CCDC170: variants seen among roughly 807,000 people sequenced by gnomAD.
The protein encoded by CCDC170 is coiled-coil domain-containing protein 170.
In CCDC170, 69 loss-of-function variants were observed where a neutral mutation model predicts 72.6. The ratio of observed to expected loss-of-function variants is 0.95; its 90% confidence interval spans 0.78 to 1.16. The LOEUF is 1.16. Among genes scored for constraint, CCDC170 ranks in the 50% most tolerant of loss-of-function variants. The pLI is 0.00. For missense variants in CCDC170, 852 were observed against 832.5 expected (o/e 1.02, Z -0.29); for synonymous variants, 300 against 303.9 (o/e 0.99, Z 0.13).
At chr6:151,557,777 T>C (rs1416076499) in intron 5 of CCDC170, among the ~76,000 whole-genome samples, 8 of 152,194 alleles carry the variant, frequency 5.3e-5, no homozygotes, top group African/African-American at 1.9e-4. Context: ...CTCATTGTGG[T>C]TTTGATCTGC....
rs985318494 is a variant in CCDC170 at position 151,494,217 on chromosome 6, G to T, written c.57+32G>T. On this transcript the variant is annotated intron_variant, in intron 1 of 10. Coordinates refer to ENST00000239374, the MANE Select transcript of CCDC170 (RefSeq NM_025059.4). ...TCCCAGCCGCCGGCCGCGCGCGGGG[G>T]TGGCCCTGGGGATAGACGACCCAGG... 14 of 1,490,840 alleles carry T rather than the reference G, an allele frequency of 9.4e-6. 1 individual carries two copies. The Admixed American group carries it at 2.3e-4, about 24-fold the overall frequency. The allele number at this position is 1,490,840 out of a possible 1,614,324, so 92.4% of individuals were successfully genotyped here.
At chr6:151,501,846 AT>A (rs1229400300) in intron 1 of CCDC170, among the ~76,000 whole-genome samples, 1 of 152,080 alleles carries the variant, frequency 6.6e-6, no homozygotes, top group Non-Finnish European at 1.5e-5. Context: ...GGACAACTTG[AT>A]TTTTTTTAAT....
intron 5 of CCDC170, among the ~76,000 whole-genome samples, chr6:151,571,525 C>T (rs1378360459): frequency 6.6e-6 from 1 of 152,088 alleles, no homozygotes; most frequent in East Asian, 1.9e-4. Context: ...GTTGGGAGTT[C>T]AAGACCAGCC....
At chr6:151,529,178 A>ATT (rs985148176) in intron 1 of CCDC170, among the ~76,000 whole-genome samples, 3 of 152,308 alleles carry the variant, frequency 2.0e-5, no homozygotes, top group African/African-American at 7.2e-5. Context: ...AGTAACAAAC[A>ATT]ATGAATTTAT....
intron 5 of CCDC170, among the ~76,000 whole-genome samples, chr6:151,559,960 A>G (rs77624767): frequency 0.052 from 7,857 of 151,238 alleles, 302 homozygotes; most frequent in East Asian, 0.21. Flanking sequence ...TTCTGTTCTG[A>G]TCTTAGTTAT....
chr6:151,526,071 CCTTCCTTCCTTCCTTCCTTCCTTT>C (rs745373172), intron 1 of CCDC170, among the ~76,000 whole-genome samples: 1,484 of 147,120 alleles, frequency 0.01, 24 homozygotes, highest in African/African-American at 0.036. Context: ...TGGTACCAGT[CCTTCCTTCCTTCCTTCCTTCCTTT>C]CTTCCTTCCT....
chr6:151,537,517 G>A (rs941920015), intron 2 of CCDC170, among the ~76,000 whole-genome samples: 4 of 152,020 alleles, frequency 2.6e-5, no homozygotes, highest in Non-Finnish European at 5.9e-5. Flanking sequence ...AATCCTATAA[G>A]GGTTTTTCTT....
chr6:151,514,659 C>T (rs1284158410), intron 1 of CCDC170, among the ~76,000 whole-genome samples: 1 of 152,132 alleles, frequency 6.6e-6, no homozygotes, highest in African/African-American at 2.4e-5. Flanking sequence ...AGAGAAGAGA[C>T]TCACATACCT....
intron 2 of CCDC170, 26 bp downstream of exon 2, chr6:151,536,472 A>G (rs1373934706): frequency 6.2e-7 from 1 of 1,611,920 alleles, no homozygotes; most frequent in Admixed American, 1.7e-5. Flanking sequence ...TCCAGCACTC[A>G]GAAATGGGCC....
intron 6 of CCDC170, among the ~76,000 whole-genome samples, chr6:151,576,241 A>G (rs972901930): frequency 7.9e-5 from 12 of 152,160 alleles, no homozygotes; most frequent in African/African-American, 2.9e-4. Flanking sequence ...ATATAGGCCA[A>G]TGTAAGTGTT....
chr6:151,515,196 A>G (rs1225041059), intron 1 of CCDC170, among the ~76,000 whole-genome samples: 2 of 152,250 alleles, frequency 1.3e-5, no homozygotes, highest in African/African-American at 4.8e-5. Context: ...GTCTACTTGG[A>G]CTACATTGTT....
rs1191038167 is a variant in CCDC170 at position 151,575,455 on chromosome 6, A to C, written c.1092+1964A>C. Among the ~76,000 whole-genome samples the C allele has an allele frequency of 2.7e-5, 4 of 150,890 alleles. No individual in the cohort carries two copies. In the South Asian group the frequency reaches 8.4e-4, roughly 32 times the overall value. Reference sequence around the variant, plus strand: ...CCAAAAAAAAAAAAAAAATTCTCTGAAATTCACGCATACTCTAGGAGCAAC... The same window carrying C: ...CCAAAAAAAAAAAAAAAATTCTCTGCAATTCACGCATACTCTAGGAGCAAC... On this transcript the variant is annotated intron_variant, in intron 6 of 10. Transcript: ENST00000239374.
At chr6:151,505,679 G>A (rs539058924) in intron 1 of CCDC170, among the ~76,000 whole-genome samples, 2 of 151,436 alleles carry the variant, frequency 1.3e-5, no homozygotes, top group Non-Finnish European at 2.9e-5. Context: ...GCGAGACTCC[G>A]TCTCAAAAAA....
In CCDC170 at chr6:151,527,663, G is replaced by A. The variant is rs567498504; in HGVS notation, c.58-8655G>A. Among the ~76,000 whole-genome samples the A allele has an allele frequency of 5.4e-4, 82 of 152,200 alleles. 1 individual carries two copies. The highest frequency in any genetic ancestry group is 4.2e-4 in the South Asian group (2 of 4,810). ...ACTGGGCACCACTGGAAGCTTGGTG[G>A]GGGCGTGGGGAGAAAGAGAGGGAGA... On this transcript the variant is annotated intron_variant, in intron 1 of 10. Coordinates refer to ENST00000239374, the MANE Select transcript of CCDC170 (RefSeq NM_025059.4).
In CCDC170 at chr6:151,494,192, TC is replaced by T; in HGVS notation, c.57+10del. On this transcript the variant is annotated splice_region_variant and intron_variant, in intron 1 of 10. Transcript: ENST00000239374. Reference sequence around the variant, plus strand: ...CGCTTCGCCAGCGCCCGAGGTACGGTCCCAGCCGCCGGCCGCGCGCGGGGGT... The same window carrying T: ...CGCTTCGCCAGCGCCCGAGGTACGGTCCAGCCGCCGGCCGCGCGCGGGGGT... 6.6e-7 allele frequency: 1 copy of T among 1,505,780 alleles called. No homozygotes were observed. Among genetic ancestry groups the T allele is most frequent in the Non-Finnish European group, 8.8e-7 (1 of 1,130,114 alleles). 93.3% of individuals were successfully genotyped at this position (1,505,780 alleles called of 1,614,324 possible).
chr6:151,529,645 G>A (rs370312238), intron 1 of CCDC170, among the ~76,000 whole-genome samples: 1 of 152,198 alleles, frequency 6.6e-6, no homozygotes, highest in South Asian at 2.1e-4. Flanking sequence ...GACAGAGCTA[G>A]GCTCTGTCTC....
intron 5 of CCDC170, among the ~76,000 whole-genome samples, chr6:151,556,859 A>C (rs1482709564): frequency 1.3e-5 from 2 of 152,124 alleles, no homozygotes; most frequent in Non-Finnish European, 2.9e-5. Context: ...GTATCCATTA[A>C]CCAATCTCTC....
intron 9 of CCDC170, among the ~76,000 whole-genome samples, chr6:151,600,213 C>A (rs987735468): frequency 6.6e-6 from 1 of 152,134 alleles, no homozygotes; most frequent in African/African-American, 2.4e-5. Context: ...AATCAATTTC[C>A]AAGACAGATT....
In CCDC170 at chr6:151,516,290, G is replaced by A. The variant is rs1782235040; in HGVS notation, c.58-20028G>A. Among the ~76,000 whole-genome samples, 3 of 152,124 alleles carry A rather than the reference G, an allele frequency of 2.0e-5. No individual in the cohort carries two copies. In the South Asian group the frequency reaches 6.2e-4, roughly 31 times the overall value. ...AGAAGGGTATAATGAAGTATGTTGG[G>A]CCTCCATTTTCCATCAAGGCTTGAA... On this transcript the variant is annotated intron_variant, in intron 1 of 10. Coordinates refer to ENST00000239374, the MANE Select transcript of CCDC170 (RefSeq NM_025059.4).
Sources: allele counts gnomAD v4.1 joint callset (sites outside exome capture counted in the v4.1 genomes callset), GRCh38; gene constraint gnomAD v4.1.1; transcripts MANE v1.5; gene names NCBI Gene and HGNC (gene_info 2026-07-23, HGNC 2026-07-21).